PLCB1: variants seen among roughly 807,000 people sequenced by gnomAD.
PLCB1 encodes phospholipase C beta 1.
PLCB1 carries 46 observed loss-of-function variants against 161.8 expected under a neutral mutation model. That is an observed-to-expected ratio of 0.28 (90% CI 0.22 to 0.36). The LOEUF (loss-of-function observed/expected upper bound fraction) is 0.36. Among genes scored for constraint, PLCB1 ranks in the 10% least tolerant of loss-of-function variants. PLCB1 has a pLI of 1.00. For missense variants in PLCB1, 1,016 were observed against 1,472.5 expected (o/e 0.69, Z 5.07); for synonymous variants, 517 against 503.7 (o/e 1.03, Z -0.35).
At chr20:8,728,616 A>G (rs963498621) in intron 17 of PLCB1, among the ~76,000 whole-genome samples, 1 of 152,034 alleles carries the variant, frequency 6.6e-6, no homozygotes, top group African/African-American at 2.4e-5. Flanking sequence ...ATTCTTTCAA[A>G]TGATTTAACA....
intron 2 of PLCB1, among the ~76,000 whole-genome samples, chr20:8,246,558 AT>A (rs1371105059): frequency 6.6e-6 from 1 of 151,940 alleles, no homozygotes; most frequent in Non-Finnish European, 1.5e-5. Context: ...CAACCACCTG[AT>A]GGGAATTACT....
At chr20:8,182,604 T>G (rs957470054) in intron 2 of PLCB1, among the ~76,000 whole-genome samples, 3 of 149,346 alleles carry the variant, frequency 2.0e-5, no homozygotes, top group African/African-American at 7.5e-5. Flanking sequence ...TTTTTGAGAC[T>G]GAGTCTTACT....
intron 3 of PLCB1, among the ~76,000 whole-genome samples, chr20:8,605,605 G>GTTTTTTTTTTTTTTTT (rs1340929182): frequency 1.1e-5 from 1 of 91,736 alleles, no homozygotes; most frequent in Non-Finnish European, 2.3e-5. Context: ...TATGTTTGGT[G>GTTTTTTTTTTTTTTTT]TTTTCTTTTT....
intron 3 of PLCB1, among the ~76,000 whole-genome samples, chr20:8,535,448 T>C (rs1985015737): frequency 6.6e-6 from 1 of 152,156 alleles, no homozygotes; most frequent in Non-Finnish European, 1.5e-5. Flanking sequence ...AACATAGTAG[T>C]TCCATTTCTA....
intron 3 of PLCB1, among the ~76,000 whole-genome samples, chr20:8,559,153 A>G (rs999329023): frequency 6.6e-6 from 1 of 151,944 alleles, no homozygotes. Context: ...TAGTTTACAT[A>G]CAATGTATAA....
At chr20:8,811,642 T>A (rs1984828294) in intron 31 of PLCB1, among the ~76,000 whole-genome samples, 1 of 152,000 alleles carries the variant, frequency 6.6e-6, no homozygotes, top group Non-Finnish European at 1.5e-5. Flanking sequence ...ACAATAACAA[T>A]AAAGGATTTC....
intron 2 of PLCB1, among the ~76,000 whole-genome samples, chr20:8,237,371 A>G (rs1980382049): frequency 6.6e-6 from 1 of 152,088 alleles, no homozygotes; most frequent in East Asian, 1.9e-4. Flanking sequence ...AGGAAAATGA[A>G]CAATAAGATC....
chr20:8,421,172 G>A (rs1240624503), intron 3 of PLCB1, among the ~76,000 whole-genome samples: 1 of 152,156 alleles, frequency 6.6e-6, no homozygotes, highest in East Asian at 1.9e-4. Flanking sequence ...TTGATGTAAT[G>A]AATTTGCTTA....
intron 31 of PLCB1, among the ~76,000 whole-genome samples, chr20:8,877,060 T>A (rs1987807300): frequency 6.6e-6 from 1 of 152,180 alleles, no homozygotes; most frequent in Non-Finnish European, 1.5e-5. Flanking sequence ...GAAGAATTAC[T>A]GCCATTTGCA....
chr20:8,868,798 G>GT (rs956896630), intron 31 of PLCB1, among the ~76,000 whole-genome samples: 7 of 151,576 alleles, frequency 4.6e-5, no homozygotes, highest in African/African-American at 9.7e-5. Context: ...CACGCAGCCA[G>GT]TTTTTTTTTA....
At chr20:8,859,044 A>T (rs756040647) in intron 31 of PLCB1, among the ~76,000 whole-genome samples, 35 of 152,150 alleles carry the variant, frequency 2.3e-4, no homozygotes, top group Admixed American at 6.5e-4. Flanking sequence ...AAACTGGGCA[A>T]CACACTTCCA....
At chr20:8,258,438 G>A (rs566920240) in intron 2 of PLCB1, among the ~76,000 whole-genome samples, 9 of 152,214 alleles carry the variant, frequency 5.9e-5, no homozygotes, top group African/African-American at 1.7e-4. Flanking sequence ...GGTCTCATTC[G>A]TGGGTTTACA....
At chr20:8,683,906 CAG>C (rs1990281791) in intron 9 of PLCB1, among the ~76,000 whole-genome samples, 1 of 149,176 alleles carries the variant, frequency 6.7e-6, no homozygotes, top group Non-Finnish European at 1.5e-5. Flanking sequence ...TTTTTTGAGA[CAG>C]AGTCTCGCTC....
intron 3 of PLCB1, among the ~76,000 whole-genome samples, chr20:8,552,206 T>A (rs1985800132): frequency 6.6e-6 from 1 of 152,196 alleles, no homozygotes; most frequent in Non-Finnish European, 1.5e-5. Context: ...GTTTGAATGA[T>A]TGGTGTGCTT....
At chr20:8,430,675 C>A (rs766911135) in intron 3 of PLCB1, among the ~76,000 whole-genome samples, 2 of 152,102 alleles carry the variant, frequency 1.3e-5, no homozygotes, top group Non-Finnish European at 2.9e-5. Context: ...AAAGAAGAGC[C>A]GGTACCATGG....
intron 2 of PLCB1, among the ~76,000 whole-genome samples, chr20:8,247,641 A>AACACACACACACACACAC (rs113727213): frequency 6.8e-6 from 1 of 147,274 alleles, no homozygotes; most frequent in African/African-American, 2.5e-5. Flanking sequence ...CATACACGCA[A>AACACACACACACACACAC]ACACACACAC....
chr20:8,583,710 T>TA (rs1204571028), intron 3 of PLCB1, among the ~76,000 whole-genome samples: 1 of 152,232 alleles, frequency 6.6e-6, no homozygotes, highest in African/African-American at 2.4e-5. Context: ...CAAGGAGAGT[T>TA]TTCAATTTTG....
chr20:8,849,369 A>T (rs1986807845), intron 31 of PLCB1, among the ~76,000 whole-genome samples: 1 of 152,108 alleles, frequency 6.6e-6, no homozygotes, highest in South Asian at 2.1e-4. Context: ...ACAACTATTC[A>T]CTGACAGAGT....
chr20:8,529,992 A>G (rs1005013663), intron 3 of PLCB1, among the ~76,000 whole-genome samples: 21 of 152,076 alleles, frequency 1.4e-4, no homozygotes, highest in Non-Finnish European at 2.2e-4. Context: ...AGTGGAGGAG[A>G]GCTGTGTGGC....
Sources: allele counts gnomAD v4.1 joint callset (sites outside exome capture counted in the v4.1 genomes callset), GRCh38; gene constraint gnomAD v4.1.1; transcripts MANE v1.5; gene names NCBI Gene and HGNC (gene_info 2026-07-23, HGNC 2026-07-21).